Variants in THSD4 observed in about 807,000 individuals in gnomAD.
The protein encoded by THSD4 is thrombospondin type-1 domain-containing protein 4.
A neutral mutation model predicts 119.0 loss-of-function variants in THSD4; 69 were observed. The ratio of observed to expected loss-of-function variants is 0.58; its 90% CI spans 0.48 to 0.71. The LOEUF is 0.71. Ranked by LOEUF, THSD4 falls within the 30% of genes least tolerant of loss-of-function variation. The pLI is 0.00. For missense variants in THSD4, 1,393 were observed against 1,391.1 expected, an observed-to-expected ratio of 1.00 and a Z score of -0.02; for synonymous variants, 524 against 540.4, an observed-to-expected ratio of 0.97 and a Z score of 0.42.
chr15:71,508,605 C>G (rs2048230062), intron 7 of THSD4, among the ~76,000 whole-genome samples: 1 of 152,190 alleles, frequency 6.6e-6, no homozygotes, highest in South Asian at 2.1e-4. Context: ...AACCTGTATG[C>G]TTCTCAGTTC....
chr15:71,171,209 G>GA (rs901127712), intron 3 of THSD4, among the ~76,000 whole-genome samples: 25 of 151,422 alleles, frequency 1.7e-4, no homozygotes, highest in African/African-American at 6.1e-4. Flanking sequence ...CTAGAAGCAT[G>GA]AAAAAAAATG....
chr15:71,564,252 A>C (rs1163889731), intron 7 of THSD4, among the ~76,000 whole-genome samples: 1 of 152,204 alleles, frequency 6.6e-6, no homozygotes, highest in Admixed American at 6.5e-5. Flanking sequence ...CCACTCCTAG[A>C]AGCCCTTCAA....
At chr15:71,193,716 C>T (rs1034504462) in intron 3 of THSD4, among the ~76,000 whole-genome samples, 6 of 151,696 alleles carry the variant, frequency 4.0e-5, no homozygotes, top group African/African-American at 1.5e-4. Context: ...TTTTTCTTTT[C>T]TTTTTTTTTG....
intron 3 of THSD4, among the ~76,000 whole-genome samples, chr15:71,157,923 G>A (rs1370793629): frequency 1.3e-5 from 2 of 151,908 alleles, no homozygotes; most frequent in African/African-American, 4.8e-5. Context: ...CTTGGTTACT[G>A]TGAATAGTGC....
chr15:71,695,890 A>T (rs1276298724), intron 8 of THSD4, among the ~76,000 whole-genome samples: 1 of 152,206 alleles, frequency 6.6e-6, no homozygotes, highest in Non-Finnish European at 1.5e-5. Context: ...CTTTGTGAAG[A>T]TTATATAAGA....
chr15:71,508,633 G>A (rs1227452510), intron 7 of THSD4, among the ~76,000 whole-genome samples: 1 of 152,178 alleles, frequency 6.6e-6, no homozygotes, highest in Non-Finnish European at 1.5e-5. Context: ...GCAAAGTAAA[G>A]GGGGTGAGCT....
chr15:71,558,131 C>A (rs2049049220), intron 7 of THSD4, among the ~76,000 whole-genome samples: 1 of 152,140 alleles, frequency 6.6e-6, no homozygotes, highest in Non-Finnish European at 1.5e-5. Flanking sequence ...AGTTCAAGAC[C>A]AGACTGGCCA....
At chr15:71,355,720 T>C (rs999908175) in intron 6 of THSD4, among the ~76,000 whole-genome samples, 1 of 152,086 alleles carries the variant, frequency 6.6e-6, no homozygotes, top group Non-Finnish European at 1.5e-5. Flanking sequence ...AATTAATGGA[T>C]GCAAGGGGCC....
intron 7 of THSD4, among the ~76,000 whole-genome samples, chr15:71,415,259 C>T (rs965638352): frequency 6.6e-6 from 1 of 152,222 alleles, no homozygotes; most frequent in African/African-American, 2.4e-5. Context: ...GAGAGGAGGG[C>T]ACTGTCCTCA....
intron 7 of THSD4, among the ~76,000 whole-genome samples, chr15:71,492,829 T>C (rs535610488): frequency 6.6e-5 from 10 of 152,294 alleles, no homozygotes; most frequent in African/African-American, 1.7e-4. Context: ...AGGAATCGAT[T>C]TGCTTGTGGT....
intron 7 of THSD4, among the ~76,000 whole-genome samples, chr15:71,498,878 T>G (rs2048068252): frequency 9.1e-6 from 1 of 110,328 alleles, no homozygotes; most frequent in Non-Finnish European, 2.0e-5. Flanking sequence ...TTTTTTTTTG[T>G]ATTTTTTGTA....
intron 7 of THSD4, among the ~76,000 whole-genome samples, chr15:71,631,030 A>G (rs564696854): frequency 6.6e-5 from 10 of 152,158 alleles, no homozygotes; most frequent in Non-Finnish European, 1.5e-4. Flanking sequence ...ACACCCGCAG[A>G]CATTTCCCAG....
chr15:71,305,260 C>A (rs1409876618), intron 6 of THSD4, among the ~76,000 whole-genome samples: 4 of 152,178 alleles, frequency 2.6e-5, no homozygotes, highest in Non-Finnish European at 4.4e-5. Flanking sequence ...CAGTACCAGT[C>A]CCCAGAGGAC....
At chr15:71,642,809 G>A (rs1269321828) in intron 7 of THSD4, among the ~76,000 whole-genome samples, 1 of 151,942 alleles carries the variant, frequency 6.6e-6, no homozygotes, top group Non-Finnish European at 1.5e-5. Context: ...GTGGGGTGGG[G>A]GGAGTGGGGA....
chr15:71,165,886 A>C (rs536439299), intron 3 of THSD4, among the ~76,000 whole-genome samples: 1 of 152,070 alleles, frequency 6.6e-6, no homozygotes, highest in African/African-American at 2.4e-5. Context: ...GTGTGGCTGC[A>C]TGGGGCTCTT....
chr15:71,324,285 G>T (rs2045312813), intron 6 of THSD4, among the ~76,000 whole-genome samples: 1 of 151,930 alleles, frequency 6.6e-6, no homozygotes, highest in Non-Finnish European at 1.5e-5. Context: ...TTCATTATAT[G>T]AGTGTGCAAT....
chr15:71,219,820 G>A (rs2140254334), intron 4 of THSD4, among the ~76,000 whole-genome samples: 1 of 152,330 alleles, frequency 6.6e-6, no homozygotes, highest in South Asian at 2.1e-4. Flanking sequence ...CACTTGAGAA[G>A]CAACAGCACT....
At chr15:71,250,724 TA>T (rs758445501) in intron 5 of THSD4, among the ~76,000 whole-genome samples, 1 of 152,136 alleles carries the variant, frequency 6.6e-6, no homozygotes, top group Non-Finnish European at 1.5e-5. Flanking sequence ...GTAAATAATA[TA>T]AATAGGCAGT....
At chr15:71,683,511 A>G (rs184384250) in intron 8 of THSD4, among the ~76,000 whole-genome samples, 7 of 152,314 alleles carry the variant, frequency 4.6e-5, no homozygotes, top group East Asian at 1.9e-4. Flanking sequence ...GAGACATGCT[A>G]TAAAAAATAA....
Sources: allele counts gnomAD v4.1 joint callset (sites outside exome capture counted in the v4.1 genomes callset), GRCh38; gene constraint gnomAD v4.1.1; transcripts MANE v1.5; gene names NCBI Gene and HGNC (gene_info 2026-07-23, HGNC 2026-07-21).